PDZK1: variants seen among roughly 807,000 people sequenced by gnomAD.
The protein encoded by PDZK1 is Na(+)/H(+) exchange regulatory cofactor NHE-RF3.
PDZK1 carries 23 observed loss-of-function variants against 38.1 expected under a neutral mutation model. That is an observed-to-expected ratio of 0.60 (90% confidence interval 0.43 to 0.85). PDZK1 has a LOEUF of 0.85. PDZK1 is among the 40% of genes least tolerant of loss of function. PDZK1 has a pLI of 0.00. For synonymous variants in PDZK1, 98 were observed against 186.2 expected (o/e 0.53, Z 3.86); for missense variants, 297 against 504.3 (o/e 0.59, Z 3.94).
At chr1:145,691,018 G>A (rs1655198275) in intron 1 of PDZK1, among the ~76,000 whole-genome samples, 1 of 152,122 alleles carries the variant, frequency 6.6e-6, no homozygotes, top group Non-Finnish European at 1.5e-5. Context: ...TACCAATAGT[G>A]AAATGCTACC....
intron 1 of PDZK1, 109 bp from the exon 2 acceptor site, chr1:145,688,132 G>T: frequency 1.1e-6 from 1 of 929,552 alleles, no homozygotes. Context: ...ACCAAATCTA[G>T]ACTGCTTGGG....
chr1:145,693,165 G>T (rs943904209), intron 1 of PDZK1, among the ~76,000 whole-genome samples: 1 of 152,160 alleles, frequency 6.6e-6, no homozygotes, highest in Non-Finnish European at 1.5e-5. Flanking sequence ...CATCTCCTCA[G>T]TCCTAGTTGT....
chr1:145,704,129 A>G lies in PDZK1; in HGVS notation c.-3+3188T>C, dbSNP rs587746349. Among the ~76,000 whole-genome samples the G allele has an allele frequency of 9.9e-5, 15 of 152,236 alleles. 1 individual carries two copies. The Middle Eastern group carries it at 0.01, about 104-fold the overall frequency. On this transcript the variant is annotated intron_variant, in intron 1 of 8. Transcript: ENST00000417171. ...CAGGCGTGAGCCATCATGCCCAGCCAAGATAAGCTTTCTTAAGAGCAGGCA... is the reference window on the plus strand; with the variant it reads ...CAGGCGTGAGCCATCATGCCCAGCCGAGATAAGCTTTCTTAAGAGCAGGCA...
intron 4 of PDZK1, 150 bp downstream of exon 4, chr1:145,682,350 A>C: frequency 1.8e-6 from 1 of 559,680 alleles, no homozygotes; most frequent in South Asian, 2.1e-5. Context: ...CACTAGTGTG[A>C]GTCTGTTCAC....
At chr1:145,700,634 G>T (rs1553704845) in intron 1 of PDZK1, among the ~76,000 whole-genome samples, 1 of 152,120 alleles carries the variant, frequency 6.6e-6, no homozygotes, top group Non-Finnish European at 1.5e-5. Flanking sequence ...AAGACAGAAG[G>T]GGGCTGTCAC....
At chr1:145,676,645 G>A (rs1311028942) in intron 6 of PDZK1, among the ~76,000 whole-genome samples, 1 of 148,576 alleles carries the variant, frequency 6.7e-6, no homozygotes, top group South Asian at 2.2e-4. Context: ...GGAATCGCTT[G>A]AACCCGGGAG....
At chr1:145,677,465 G>C (rs1173373311) in intron 6 of PDZK1, among the ~76,000 whole-genome samples, 3 of 149,546 alleles carry the variant, frequency 2.0e-5, no homozygotes, top group Non-Finnish European at 1.5e-5. Context: ...TTCTATTCAA[G>C]TTGATATTCA....
At chr1:145,677,845 A>G (rs138949191) in intron 6 of PDZK1, among the ~76,000 whole-genome samples, 1,741 of 140,636 alleles carry the variant, frequency 0.012, 16 homozygotes, top group South Asian at 0.032. Flanking sequence ...AGCAAGACAG[A>G]TGGTACTTAG....
At chr1:145,677,439 G>A (rs1304575870) in intron 6 of PDZK1, among the ~76,000 whole-genome samples, 1 of 149,906 alleles carries the variant, frequency 6.7e-6, no homozygotes, top group African/African-American at 2.5e-5. Context: ...GGAACAAGTA[G>A]CATGCCATTA....
chr1:145,706,609 A>C (rs1006801068), intron 1 of PDZK1, among the ~76,000 whole-genome samples: 11 of 152,190 alleles, frequency 7.2e-5, no homozygotes, highest in African/African-American at 2.4e-4. Context: ...TGTCATACTT[A>C]AGTCTCATGA....
At chr1:145,692,068 A>G (rs1046391210) in intron 1 of PDZK1, among the ~76,000 whole-genome samples, 7 of 152,140 alleles carry the variant, frequency 4.6e-5, no homozygotes, top group Admixed American at 3.3e-4. Context: ...GAAAGAGAAT[A>G]ATGTGGCCGT....
At chr1:145,701,018 A>G (rs1455613275) in intron 1 of PDZK1, among the ~76,000 whole-genome samples, 9 of 152,042 alleles carry the variant, frequency 5.9e-5, no homozygotes, top group Non-Finnish European at 1.5e-5. Context: ...CAGCCTGACC[A>G]ATATGGTGAA....
At chr1:145,702,485 C>A (rs1475363922) in intron 1 of PDZK1, among the ~76,000 whole-genome samples, 2 of 152,036 alleles carry the variant, frequency 1.3e-5, no homozygotes, top group Admixed American at 6.6e-5. Context: ...TTTCTACCCC[C>A]CCACTTTTTT....
In PDZK1 at chr1:145,677,910, TAAAAAAA is replaced by T. The variant is rs71077285; in HGVS notation, c.990+532_990+538del. 4.8e-4 allele frequency among the ~76,000 whole-genome samples: 33 copies of T among 68,598 alleles called. 1 individual carries two copies. Among genetic ancestry groups the T allele is most frequent in the Non-Finnish European group, 6.7e-4 (25 of 37,556 alleles). 45.0% of individuals were successfully genotyped at this position (68,598 alleles called of 152,430 possible). On this transcript the variant is annotated intron_variant, in intron 6 of 8. Coordinates refer to ENST00000417171, the MANE Select transcript of PDZK1 (RefSeq NM_001201325.2). ...ACAACCTCAGTTCTTGTGTTAAAAG[TAAAAAAA>T]AAAAAAAAAAAAAAAAAAAAAACCT...
intron 6 of PDZK1, among the ~76,000 whole-genome samples, chr1:145,676,532 G>A (rs1173302059): frequency 1.1e-4 from 16 of 150,106 alleles, no homozygotes; most frequent in Non-Finnish European, 2.4e-4. Flanking sequence ...TCAGGAGATC[G>A]AGACCATCCT....
At chr1:145,683,709 A>C (rs2784300) in intron 3 of PDZK1, among the ~76,000 whole-genome samples, 1 of 152,158 alleles carries the variant, frequency 6.6e-6, no homozygotes, top group East Asian at 1.9e-4. Flanking sequence ...ACATACCTAC[A>C]ATAGAGTTTA....
rs1283591390 is a variant in PDZK1, at chr1:145,681,219, G to T, written c.598-112C>A. The T allele has an allele frequency of 1.1e-4, 49 of 447,628 alleles. 2 individuals are homozygous for T. The highest frequency in any genetic ancestry group is 2.3e-5 in the South Asian group (1 of 43,190). The allele number at this position is 447,628 out of a possible 1,614,324, so 27.7% of individuals were successfully genotyped here. A position where few individuals can be genotyped will look rare whatever the true frequency, so the allele number is the denominator to read the frequency against. ...GTCTCTAGGTTCAACAAAAGATAGG[G>T]GATGAAAGGCCTGAGTTTAAGCTGT... On this transcript the variant is annotated intron_variant, in intron 4 of 8. Coordinates refer to ENST00000417171, the MANE Select transcript of PDZK1 (RefSeq NM_001201325.2).
chr1:145,684,354 G>GC (rs1654558704), intron 3 of PDZK1, among the ~76,000 whole-genome samples: 1 of 151,744 alleles, frequency 6.6e-6, no homozygotes, highest in Non-Finnish European at 1.5e-5. Context: ...GACTACAGGC[G>GC]CCCACCACCA....
intron 3 of PDZK1, among the ~76,000 whole-genome samples, chr1:145,683,878 G>A (rs1386321802): frequency 1.4e-5 from 2 of 143,824 alleles, no homozygotes; most frequent in Admixed American, 7.2e-5. Context: ...ATGGAGTCTC[G>A]CTCTGTCACC....
Sources: gnomAD v4.1 joint callset for allele counts (sites outside exome capture counted in the v4.1 genomes callset) on GRCh38, gnomAD v4.1.1 for gene constraint, MANE v1.5 for transcripts, NCBI Gene and HGNC (gene_info 2026-07-23, HGNC 2026-07-21) for gene names.